PHF14: variants seen among roughly 807,000 people sequenced by gnomAD.
PHF14 encodes PHD finger protein 14.
In PHF14, 55 loss-of-function variants were observed where a neutral mutation model predicts 117.9. That is an observed-to-expected ratio of 0.47 (90% CI 0.38 to 0.58). The LOEUF is 0.58. Among genes scored for constraint, PHF14 ranks in the 20% least tolerant of loss-of-function variants. The pLI is 0.00. For synonymous variants in PHF14, 409 were observed against 368.6 expected (o/e 1.11, Z -1.26); for missense variants, 978 against 1,122.2 (o/e 0.87, Z 1.84).
chr7:11,081,035 G>A (rs1425571229), intron 16 of PHF14, among the ~76,000 whole-genome samples: 1 of 151,908 alleles, frequency 6.6e-6, no homozygotes, highest in African/African-American at 2.4e-5. Context: ...TACCACAAAA[G>A]CTATTGAAAT....
At chr7:11,098,922 CA>C (rs1562465602) in intron 16 of PHF14, among the ~76,000 whole-genome samples, 1 of 152,130 alleles carries the variant, frequency 6.6e-6, no homozygotes, top group Non-Finnish European at 1.5e-5. Flanking sequence ...AATGATGCTT[CA>C]TTGTATGTCA....
chr7:11,011,912 T>G (rs913768049), intron 4 of PHF14, among the ~76,000 whole-genome samples: 4 of 152,260 alleles, frequency 2.6e-5, no homozygotes, highest in African/African-American at 9.6e-5. Context: ...ATAGTCTGAA[T>G]GAAATACTCT....
At chr7:11,162,988 T>A (rs1421649301) in intron 17 of PHF14, among the ~76,000 whole-genome samples, 1 of 152,216 alleles carries the variant, frequency 6.6e-6, no homozygotes, top group Non-Finnish European at 1.5e-5. Context: ...TATTTATGTA[T>A]TCCCATACAT....
chr7:11,036,937 C>A, intron 9 of PHF14, 48 bp from the exon 10 acceptor site: 1 of 1,257,824 alleles, frequency 8.0e-7, no homozygotes, highest in South Asian at 1.4e-5. Context: ...CTTCCTATGT[C>A]AGTTTTTACT....
intron 4 of PHF14, among the ~76,000 whole-genome samples, chr7:10,993,265 C>A (rs1341413824): frequency 3.3e-5 from 5 of 151,984 alleles, no homozygotes; most frequent in African/African-American, 1.2e-4. Context: ...TACCACAAAA[C>A]AGTATTTCTA....
At chr7:10,983,907 C>G (rs1396196207) in intron 3 of PHF14, among the ~76,000 whole-genome samples, 1 of 152,084 alleles carries the variant, frequency 6.6e-6, no homozygotes, top group Non-Finnish European at 1.5e-5. Context: ...ATGCATCATT[C>G]AAGACTCTTC....
intron 6 of PHF14, among the ~76,000 whole-genome samples, chr7:11,025,835 G>T (rs1237874468): frequency 6.6e-6 from 1 of 151,934 alleles, no homozygotes; most frequent in African/African-American, 2.4e-5. Context: ...TGCCAGGCTG[G>T]GTGCGGTGGC....
intron 17 of PHF14, among the ~76,000 whole-genome samples, chr7:11,123,191 G>A (rs895845820): frequency 1.3e-5 from 2 of 151,934 alleles, no homozygotes; most frequent in South Asian, 2.1e-4. Context: ...AGGAAATCTT[G>A]GGATTTAGGA....
At chr7:11,027,050 T>A (rs1783938486) in intron 6 of PHF14, among the ~76,000 whole-genome samples, 2 of 152,162 alleles carry the variant, frequency 1.3e-5, no homozygotes, top group African/African-American at 4.8e-5. Context: ...AGGAAGATTC[T>A]GTTTTCTTTG....
chr7:11,008,990 C>G lies in PHF14; in HGVS notation c.1046-4757C>G, dbSNP rs1783238753. Among the ~76,000 whole-genome samples the G allele has an allele frequency of 2.1e-5, 3 of 143,020 alleles. No homozygotes were observed. In the South Asian group the frequency reaches 6.7e-4, roughly 32 times the overall value. The allele number at this position is 143,020 out of a possible 152,430, so 93.8% of individuals were successfully genotyped here. A position where few individuals can be genotyped will look rare whatever the true frequency, so the allele number is the denominator to read the frequency against. On this transcript the variant is annotated intron_variant, in intron 4 of 17. Coordinates refer to ENST00000634607, the MANE Select transcript of PHF14 (RefSeq NM_001007157.2). ...GGTGGAGCTTGCAGTGAGCTGAGATCATGCCACTGTACTCCAGCCTGGGCG... is the reference window on the plus strand; with the variant it reads ...GGTGGAGCTTGCAGTGAGCTGAGATGATGCCACTGTACTCCAGCCTGGGCG...
At chr7:10,995,597 G>A (rs563303801) in intron 4 of PHF14, among the ~76,000 whole-genome samples, 82 of 152,304 alleles carry the variant, frequency 5.4e-4, no homozygotes, top group Admixed American at 2.2e-3. Context: ...GCCACAGAGC[G>A]GGGGCAGCAC....
chr7:11,158,026 C>T (rs73065419), intron 17 of PHF14, among the ~76,000 whole-genome samples: 12,246 of 152,148 alleles, frequency 0.08, 681 homozygotes, highest in East Asian at 0.18. Flanking sequence ...CTTTACCCAG[C>T]TTCTCTTTAG....
At chr7:11,067,197 T>A (rs1785453715) in intron 16 of PHF14, among the ~76,000 whole-genome samples, 3 of 152,116 alleles carry the variant, frequency 2.0e-5, no homozygotes, top group African/African-American at 7.2e-5. Context: ...CCAACAAGCA[T>A]ATGAAAAGAT....
chr7:11,077,084 T>C (rs1785887024), intron 16 of PHF14, among the ~76,000 whole-genome samples: 1 of 151,996 alleles, frequency 6.6e-6, no homozygotes, highest in African/African-American at 2.4e-5. Flanking sequence ...AGGAAATTCA[T>C]AGTATGTTAC....
intron 3 of PHF14, among the ~76,000 whole-genome samples, chr7:10,983,421 C>T (rs1482012786): frequency 6.6e-6 from 1 of 152,178 alleles, no homozygotes; most frequent in Non-Finnish European, 1.5e-5. Context: ...TATCCATAGA[C>T]TTGGGAAATG....
intron 16 of PHF14, among the ~76,000 whole-genome samples, chr7:11,078,354 A>G (rs1171181474): frequency 3.9e-5 from 6 of 152,164 alleles, no homozygotes; most frequent in African/African-American, 7.2e-5. Context: ...AATTCGGTCA[A>G]TAACTAACTA....
At chr7:11,084,764 A>T (rs1367383192) in intron 16 of PHF14, among the ~76,000 whole-genome samples, 1 of 152,068 alleles carries the variant, frequency 6.6e-6, no homozygotes, top group Non-Finnish European at 1.5e-5. Context: ...CATAGCAGAG[A>T]TTTTTGTCAA....
In PHF14 at chr7:11,071,251, A is replaced by G. The variant is rs77715497; in HGVS notation, c.2654+9166A>G. On this transcript the variant is annotated intron_variant, in intron 16 of 17. Coordinates refer to ENST00000634607, the MANE Select transcript of PHF14 (RefSeq NM_001007157.2). ...ACACTAGCTCTGATATTCAAAGACT[A>G]TATATTCCATGTTCCCAAGTCCATG... 2.2e-3 allele frequency: 1,133 copies of G among 518,662 alleles called. 14 individuals carry two copies. The highest frequency in any genetic ancestry group is 0.021 in the African/African-American group (1,073 of 52,076). 32.1% of individuals were successfully genotyped at this position (518,662 alleles called of 1,614,324 possible).
chr7:11,100,494 T>C (rs1346042091), intron 16 of PHF14, among the ~76,000 whole-genome samples: 1 of 152,008 alleles, frequency 6.6e-6, no homozygotes, highest in Non-Finnish European at 1.5e-5. Context: ...TCCAGTTATA[T>C]ATTTAAATGA....
Sources: allele counts gnomAD v4.1 joint callset (sites outside exome capture counted in the v4.1 genomes callset), GRCh38; gene constraint gnomAD v4.1.1; transcripts MANE v1.5; gene names NCBI Gene and HGNC (gene_info 2026-07-23, HGNC 2026-07-21).